The following ATP6V0E1 variants were observed in gnomAD, a reference collection of about 807,000 sequenced individuals.
ATP6V0E1 encodes the protein V-type proton ATPase subunit e 1.
Under a neutral mutation model 11.6 loss-of-function variants are expected in ATP6V0E1, and 4 were observed. The ratio of observed to expected loss-of-function variants is 0.35; its 90% CI spans 0.17 to 0.79. The LOEUF (loss-of-function observed/expected upper bound fraction) is 0.79, where lower values mean the gene tolerates loss of function less well. Among genes scored for constraint, ATP6V0E1 ranks in the 30% least tolerant of loss-of-function variants. ATP6V0E1 has a pLI of 0.54. For synonymous variants in ATP6V0E1, 36 were observed against 34.8 expected, an observed-to-expected ratio of 1.04 and a Z score of -0.13; for missense variants, 105 against 100.0, an observed-to-expected ratio of 1.05 and a Z score of -0.21.
intron 1 of ATP6V0E1, among the ~76,000 whole-genome samples, chr5:172,990,680 A>G (rs908631846): frequency 1.3e-5 from 2 of 151,992 alleles, no homozygotes; most frequent in African/African-American, 4.8e-5. Flanking sequence ...TACAAAAATT[A>G]GCCAGGTGTG....
At chr5:173,030,407 A>C (rs764904214) in intron 3 of ATP6V0E1, among the ~76,000 whole-genome samples, 2 of 151,324 alleles carry the variant, frequency 1.3e-5, no homozygotes, top group Non-Finnish European at 2.9e-5. Context: ...TTCTAGACTT[A>C]ATATTTTTAT....
At chr5:172,988,045 G>A (rs577099188) in intron 1 of ATP6V0E1, among the ~76,000 whole-genome samples, 1 of 152,040 alleles carries the variant, frequency 6.6e-6, no homozygotes, top group East Asian at 1.9e-4. Context: ...TATCCTATAA[G>A]TTTTTTTCCA....
intron 1 of ATP6V0E1, among the ~76,000 whole-genome samples, 175 bp downstream of exon 1, chr5:172,984,139 A>G (rs568835908): frequency 6.6e-6 from 1 of 152,294 alleles, no homozygotes; most frequent in Non-Finnish European, 1.5e-5. Flanking sequence ...CAGCAGCTTC[A>G]GTGTCCTCCG....
At chr5:173,000,165 C>T (rs1279156188) in intron 2 of ATP6V0E1, among the ~76,000 whole-genome samples, 1 of 152,030 alleles carries the variant, frequency 6.6e-6, no homozygotes, top group Non-Finnish European at 1.5e-5. Flanking sequence ...TTTCTGGTGC[C>T]AGTTTGTTCT....
At chr5:172,994,888 T>A in intron 2 of ATP6V0E1, 66 bp downstream of exon 2, 1 of 1,275,792 alleles carries the variant, frequency 7.8e-7, no homozygotes, top group Non-Finnish European at 1.1e-6. Flanking sequence ...CACATTTGTT[T>A]TATTGGAGCT....
intron 2 of ATP6V0E1, 21 bp from the exon 3 acceptor site, chr5:173,020,217 T>C (rs1476421526): frequency 3.2e-6 from 5 of 1,586,780 alleles, no homozygotes; most frequent in Non-Finnish European, 4.3e-6. Context: ...CTTCGTTGTT[T>C]CTCTCCCATC....
rs112383812 is a variant in ATP6V0E1, at chr5:173,019,238, G to A, written c.153-1000G>A. 8.9e-3 allele frequency among the ~76,000 whole-genome samples: 1,347 copies of A among 152,158 alleles called. 19 individuals are homozygous for A. Among genetic ancestry groups the A allele is most frequent in the African/African-American group, 0.03 (1,261 of 41,528 alleles). ...TGCGGGATTATAGGCATGAGCCACC[G>A]CACCCAACCTGTTTTTCACTTTTAA... On this transcript the variant is annotated intron_variant, in intron 2 of 3. Coordinates refer to ENST00000519374, the MANE Select transcript of ATP6V0E1 (RefSeq NM_003945.4).
At chr5:172,992,808 A>T (rs1756006548) in intron 1 of ATP6V0E1, among the ~76,000 whole-genome samples, 1 of 151,316 alleles carries the variant, frequency 6.6e-6, no homozygotes. Flanking sequence ...TTATTTATTT[A>T]TTTTTTTGAG....
At chr5:173,008,106 C>T (rs1756257078) in intron 2 of ATP6V0E1, among the ~76,000 whole-genome samples, 1 of 152,190 alleles carries the variant, frequency 6.6e-6, no homozygotes, top group Non-Finnish European at 1.5e-5. Context: ...CCAGCTTCCT[C>T]TACTGAGAAA....
Position 172,999,352 on chromosome 5 carries a change from C to A in ATP6V0E1, c.152+4530C>A, listed in dbSNP as rs565126735. 3.3e-5 allele frequency among the ~76,000 whole-genome samples: 5 copies of A among 151,610 alleles called. No homozygotes were observed. The East Asian group carries it at 9.7e-4, about 29-fold the overall frequency. The stretch of plus-strand genomic sequence containing the variant: ...TTTTTTTTCTTTCTGGACACACAGT[C>A]TTGCTCTGTCACCCAGGCTGGAGTG... On this transcript the variant is annotated intron_variant, in intron 2 of 3. Transcript: ENST00000519374.
At chr5:172,985,169 C>G (rs1458755872) in intron 1 of ATP6V0E1, among the ~76,000 whole-genome samples, 1 of 150,260 alleles carries the variant, frequency 6.7e-6, no homozygotes, top group African/African-American at 2.5e-5. Context: ...GGCGTGAACC[C>G]AGGAGGCAGA....
In ATP6V0E1 at chr5:172,994,770, TTTA is replaced by T; in HGVS notation, c.105-4_105-2del. 6.3e-7 allele frequency: 1 copy of T among 1,591,016 alleles called. No individual in the cohort carries two copies. Among genetic ancestry groups the T allele is most frequent in the South Asian group, 1.2e-5 (1 of 86,392 alleles). ...AATGACATTTGCATTTTTTTTTTTT[TTTA>T]GAGTTATCATTACCATGTTGGTGAC... On this transcript the variant is annotated splice_acceptor_variant and splice_polypyrimidine_tract_variant and intron_variant, in intron 1 of 3. Transcript: ENST00000519374. LOFTEE classifies it high-confidence loss of function.
intron 1 of ATP6V0E1, among the ~76,000 whole-genome samples, chr5:172,987,655 A>C (rs1179682189): frequency 1.3e-5 from 2 of 152,068 alleles, no homozygotes; most frequent in Non-Finnish European, 2.9e-5. Flanking sequence ...TACATTGTAC[A>C]TGTAAGAGTA....
intron 2 of ATP6V0E1, among the ~76,000 whole-genome samples, chr5:173,019,735 A>G (rs934246342): frequency 6.6e-6 from 1 of 152,226 alleles, no homozygotes; most frequent in Admixed American, 6.6e-5. Flanking sequence ...TGGGGATTAG[A>G]AAAGGGGACC....
intron 2 of ATP6V0E1, among the ~76,000 whole-genome samples, chr5:173,015,872 G>A (rs1756391157): frequency 6.6e-6 from 1 of 152,114 alleles, no homozygotes; most frequent in Non-Finnish European, 1.5e-5. Context: ...GACTACAGAT[G>A]TGTGCCACCA....
intron 2 of ATP6V0E1, among the ~76,000 whole-genome samples, chr5:173,017,410 T>C (rs948332286): frequency 3.3e-5 from 5 of 151,656 alleles, no homozygotes; most frequent in African/African-American, 1.2e-4. Context: ...GGCAGGCGCC[T>C]GTAATCCCAA....
intron 2 of ATP6V0E1, among the ~76,000 whole-genome samples, chr5:173,002,554 T>G (rs1481757008): frequency 6.6e-6 from 1 of 152,236 alleles, no homozygotes; most frequent in Non-Finnish European, 1.5e-5. Context: ...TTAGCTTCAA[T>G]TTTTTGACCA....
chr5:173,010,409 C>T (rs1756303723), intron 2 of ATP6V0E1, among the ~76,000 whole-genome samples: 1 of 152,174 alleles, frequency 6.6e-6, no homozygotes, highest in Non-Finnish European at 1.5e-5. Context: ...CTTATATTAT[C>T]TCTTTAAATT....
intron 3 of ATP6V0E1, among the ~76,000 whole-genome samples, chr5:173,034,050 C>G (rs1756704252): frequency 6.6e-6 from 1 of 152,208 alleles, no homozygotes; most frequent in Non-Finnish European, 1.5e-5. Flanking sequence ...CCTGCGGAAC[C>G]TCCCCTCCAT....
Sources: allele counts gnomAD v4.1 joint callset (sites outside exome capture counted in the v4.1 genomes callset), GRCh38; gene constraint gnomAD v4.1.1; transcripts MANE v1.5; gene names NCBI Gene and HGNC (gene_info 2026-07-23, HGNC 2026-07-21).